The following GRM7 variants were observed in gnomAD, a reference collection of about 807,000 sequenced individuals.
The protein encoded by GRM7 is glutamate metabotropic receptor 7.
A neutral mutation model predicts 84.5 loss-of-function variants in GRM7; 35 were observed. The ratio of observed to expected loss-of-function variants is 0.41; its 90% confidence interval spans 0.32 to 0.55. The LOEUF is 0.55. Ranked by LOEUF, GRM7 falls within the 20% of genes least tolerant of loss-of-function variation. GRM7 has a pLI of 0.19. For missense variants in GRM7, 1,003 were observed against 1,194.6 expected (o/e 0.84, Z 2.36); for synonymous variants, 487 against 455.1 (o/e 1.07, Z -0.89).
At chr3:7,080,137 A>G (rs940061489) in intron 1 of GRM7, among the ~76,000 whole-genome samples, 3 of 151,694 alleles carry the variant, frequency 2.0e-5, no homozygotes, top group Admixed American at 2.0e-4. Context: ...CACTCCACAA[A>G]CCTCTCCGAA....
chr3:7,593,947 GA>G (rs60265357), intron 8 of GRM7, among the ~76,000 whole-genome samples: 3,263 of 142,616 alleles, frequency 0.023, 87 homozygotes, highest in East Asian at 0.1. Flanking sequence ...ACAGAAGGGG[GA>G]AAAAAAAAAA....
rs1309370873 is a variant in GRM7 at position 6,928,546 on chromosome 3, A to T, written c.519+66639A>T. ...GATGTTTTTCCTAACCAAGTGCCAT[A>T]TACCTTTTAAAATAAATGTTTGTAA... On this transcript the variant is annotated intron_variant, in intron 1 of 9. Coordinates refer to ENST00000357716, the MANE Select transcript of GRM7 (RefSeq NM_000844.4). The surrounding 1 kb of genome is among the most constrained non-coding windows in gnomAD (Gnocchi z 4.5). Among the ~76,000 whole-genome samples the T allele has an allele frequency of 6.6e-6, 1 of 152,212 alleles. No homozygotes were observed. Among genetic ancestry groups the T allele is most frequent in the Non-Finnish European group, 1.5e-5 (1 of 68,040 alleles).
chr3:7,464,500 A>G (rs1420039751), intron 7 of GRM7, among the ~76,000 whole-genome samples: 2 of 152,130 alleles, frequency 1.3e-5, no homozygotes, highest in Admixed American at 6.5e-5. Context: ...ATAAGAGAAG[A>G]GCAGAGAACC....
At chr3:7,255,893 A>G (rs1211764034) in intron 2 of GRM7, among the ~76,000 whole-genome samples, 2 of 152,208 alleles carry the variant, frequency 1.3e-5, no homozygotes, top group African/African-American at 2.4e-5. Context: ...GTCTTTCTCC[A>G]GGAAGTAGCA....
intron 2 of GRM7, among the ~76,000 whole-genome samples, chr3:7,297,641 ATGTT>A (rs138761134): frequency 0.052 from 7,933 of 152,116 alleles, 464 homozygotes; most frequent in African/African-American, 0.15. Context: ...ATATTTGTCT[ATGTT>A]TGTGGAAGTC....
intron 8 of GRM7, among the ~76,000 whole-genome samples, chr3:7,677,757 T>C (rs958318520): frequency 4.6e-5 from 7 of 152,322 alleles, no homozygotes; most frequent in Admixed American, 1.3e-4. Context: ...AAAGTATGTA[T>C]GTTACTGGGT....
At chr3:7,678,546 T>C (rs567634395) in intron 8 of GRM7, among the ~76,000 whole-genome samples, 9 of 152,300 alleles carry the variant, frequency 5.9e-5, no homozygotes, top group African/African-American at 2.2e-4. Context: ...ACATTAAAAG[T>C]CTAAAGGTAT....
intron 4 of GRM7, among the ~76,000 whole-genome samples, chr3:7,366,631 A>G (rs1048770439): frequency 2.3e-4 from 35 of 151,916 alleles, no homozygotes; most frequent in Middle Eastern, 3.4e-3. Flanking sequence ...AATACCCTGA[A>G]TCTTTCTCTG....
intron 1 of GRM7, among the ~76,000 whole-genome samples, chr3:6,963,416 T>TA (rs1267498857): frequency 6.6e-6 from 1 of 152,166 alleles, no homozygotes; most frequent in Admixed American, 6.5e-5. Context: ...GATTACTGCA[T>TA]AAAAAATATA....
chr3:7,463,950 G>A (rs1425373573), intron 7 of GRM7, among the ~76,000 whole-genome samples: 1 of 152,080 alleles, frequency 6.6e-6, no homozygotes, highest in African/African-American at 2.4e-5. Context: ...ATAATGGAGG[G>A]GGCAAAAGTA....
intron 2 of GRM7, among the ~76,000 whole-genome samples, chr3:7,187,365 A>G (rs1180017589): frequency 6.6e-6 from 1 of 152,182 alleles, no homozygotes; most frequent in Non-Finnish European, 1.5e-5. Context: ...TTATATTATC[A>G]TCGCTTGTTT....
intron 8 of GRM7, among the ~76,000 whole-genome samples, chr3:7,631,756 A>T (rs1283735211): frequency 2.0e-5 from 3 of 152,100 alleles, no homozygotes; most frequent in Non-Finnish European, 2.9e-5. Flanking sequence ...TGTGTCAACT[A>T]AAAATGCCTC....
intron 1 of GRM7, among the ~76,000 whole-genome samples, chr3:6,912,742 A>T (rs1696814787): frequency 6.6e-6 from 1 of 152,168 alleles, no homozygotes; most frequent in Non-Finnish European, 1.5e-5. Context: ...TCATAGACAA[A>T]TTCTACCTAG....
In GRM7 at chr3:7,608,095, G is replaced by A. The variant is rs986686278; in HGVS notation, c.2451+28738G>A. The A allele has an allele frequency of 2.0e-5, 6 of 300,846 alleles. No homozygotes were observed. In the Admixed American group the frequency reaches 2.0e-4, roughly 10 times the overall value. The allele number at this position is 300,846 out of a possible 1,614,324, so 18.6% of individuals were successfully genotyped here. A position where few individuals can be genotyped will look rare whatever the true frequency, so the allele number is the denominator to read the frequency against. The stretch of plus-strand genomic sequence containing the variant: ...TTTTATGGCTGTACAGTATTCCATG[G>A]TGTGTATGTACCACATTTTCTTTAT... On this transcript the variant is annotated intron_variant, in intron 8 of 9. Transcript: ENST00000357716.
At chr3:7,072,452 C>T (rs983957182) in intron 1 of GRM7, among the ~76,000 whole-genome samples, 1 of 152,134 alleles carries the variant, frequency 6.6e-6, no homozygotes, top group African/African-American at 2.4e-5. Context: ...GAGGCTGAGG[C>T]AGGAGGATTG....
intron 1 of GRM7, among the ~76,000 whole-genome samples, chr3:7,081,077 C>T (rs931727930): frequency 2.6e-5 from 4 of 152,128 alleles, no homozygotes; most frequent in Non-Finnish European, 4.4e-5. Context: ...TGTCTCCCCT[C>T]GTTGTCTCCA....
chr3:6,862,714 C>T lies in GRM7; in HGVS notation c.519+807C>T, dbSNP rs565109321. On this transcript the variant is annotated intron_variant, in intron 1 of 9. Coordinates refer to ENST00000357716, the MANE Select transcript of GRM7 (RefSeq NM_000844.4). This position sits in a 1 kb window ranked among gnomAD's most constrained non-coding sequence, Gnocchi z 5.2. Reference sequence around the variant, plus strand: ...GAAACGAAATCGCTCTCCCTGCCTCCTCCCTCCTCCCCCCCGCCCCCCTCA... The same window carrying T: ...GAAACGAAATCGCTCTCCCTGCCTCTTCCCTCCTCCCCCCCGCCCCCCTCA... 47 of 224,456 alleles carry T rather than the reference C, an allele frequency of 2.1e-4. No individual in the cohort carries two copies. The highest frequency in any genetic ancestry group is 3.8e-4 in the Non-Finnish European group (44 of 114,960). The allele number at this position is 224,456 out of a possible 1,614,324, so 13.9% of individuals were successfully genotyped here.
chr3:7,189,546 C>T (rs776632967), intron 2 of GRM7, among the ~76,000 whole-genome samples: 4 of 152,092 alleles, frequency 2.6e-5, no homozygotes, highest in African/African-American at 4.8e-5. Context: ...TTGTTATGCT[C>T]TTAAAATATT....
rs1485169 is a variant in GRM7, at chr3:7,612,812, C to A, written c.2451+33455C>A. Reference sequence around the variant, plus strand: ...CCAAGGAAAGAATTCTTGGAAACAGCTTCAGTAAAACTGCATGAATTTGAA... The same window carrying A: ...CCAAGGAAAGAATTCTTGGAAACAGATTCAGTAAAACTGCATGAATTTGAA... On this transcript the variant is annotated intron_variant, in intron 8 of 9. Coordinates refer to ENST00000357716, the MANE Select transcript of GRM7 (RefSeq NM_000844.4). Among the ~76,000 whole-genome samples the A allele has an allele frequency of 4.9e-3, 743 of 152,278 alleles. 8 individuals carry two copies. Among genetic ancestry groups the A allele is most frequent in the African/African-American group, 0.017 (713 of 41,574 alleles).
Sources: gnomAD v4.1 joint callset for allele counts (sites outside exome capture counted in the v4.1 genomes callset) on GRCh38, gnomAD v4.1.1 for gene constraint, Gnocchi (gnomAD v3.1) non-coding constraint, MANE v1.5 for transcripts, NCBI Gene and HGNC (gene_info 2026-07-23, HGNC 2026-07-21) for gene names.